DNAJC3: variants seen among roughly 807,000 people sequenced by gnomAD.
The protein encoded by DNAJC3 is dnaJ homolog subfamily C member 3.
DNAJC3 carries 38 observed loss-of-function variants against 68.6 expected under a neutral mutation model. That is an observed-to-expected ratio of 0.55 (90% CI 0.43 to 0.73). DNAJC3 has a LOEUF of 0.73. Ranked by LOEUF, DNAJC3 falls within the 30% of genes least tolerant of loss-of-function variation. DNAJC3 has a pLI of 0.00. For synonymous variants in DNAJC3, 203 were observed against 204.0 expected (o/e 1.00, Z 0.04); for missense variants, 526 against 591.9 (o/e 0.89, Z 1.16).
chr13:95,736,308 C>CT (rs1881916155), intron 4 of DNAJC3, among the ~76,000 whole-genome samples: 2 of 151,858 alleles, frequency 1.3e-5, no homozygotes, highest in South Asian at 4.2e-4. Context: ...GATGCGGGCT[C>CT]TTTTTTGGTT....
chr13:95,774,116 T>C (rs1883237510), intron 9 of DNAJC3, among the ~76,000 whole-genome samples: 1 of 152,230 alleles, frequency 6.6e-6, no homozygotes, highest in African/African-American at 2.4e-5. Flanking sequence ...TGATTTCTGC[T>C]CTTTAGTTCC....
At chr13:95,697,569 CAG>C (rs1490011109) in intron 1 of DNAJC3, among the ~76,000 whole-genome samples, 1 of 152,140 alleles carries the variant, frequency 6.6e-6, no homozygotes, top group Non-Finnish European at 1.5e-5. Flanking sequence ...CTAGCAAGAT[CAG>C]GGGATTTTTC....
intron 3 of DNAJC3, among the ~76,000 whole-genome samples, chr13:95,723,569 G>GT (rs201496445): frequency 0.016 from 2,372 of 151,246 alleles, 28 homozygotes; most frequent in Non-Finnish European, 0.025. Flanking sequence ...TACATTAGAT[G>GT]TTTTTTTTTC....
chr13:95,737,227 A>AT (rs1288977898), intron 4 of DNAJC3, among the ~76,000 whole-genome samples: 16 of 151,846 alleles, frequency 1.1e-4, no homozygotes, highest in Admixed American at 2.6e-4. Flanking sequence ...TTTTGCCAGT[A>AT]TTTTATTGAG....
At chr13:95,771,130 T>G (rs1323078660) in intron 9 of DNAJC3, among the ~76,000 whole-genome samples, 1 of 151,982 alleles carries the variant, frequency 6.6e-6, no homozygotes, top group Admixed American at 6.6e-5. Context: ...AAAAAGGTAT[T>G]TGGTTTACTT....
At chr13:95,771,677 ACT>A (rs1284379401) in intron 9 of DNAJC3, among the ~76,000 whole-genome samples, 1 of 152,020 alleles carries the variant, frequency 6.6e-6, no homozygotes, top group African/African-American at 2.4e-5. Context: ...CAGAAAGAAG[ACT>A]CAGAGGAGCT....
At chr13:95,720,338 AT>A (rs1403427006) in intron 2 of DNAJC3, among the ~76,000 whole-genome samples, 11 of 152,294 alleles carry the variant, frequency 7.2e-5, no homozygotes, top group African/African-American at 2.6e-4. Context: ...GATAACTTAA[AT>A]TTTTTAAAAA....
chr13:95,757,887 A>G (rs1882711731), intron 5 of DNAJC3, 91 bp downstream of exon 5: 1 of 1,333,740 alleles, frequency 7.5e-7, no homozygotes, highest in Non-Finnish European at 9.9e-7. Flanking sequence ...ACAAAGACCT[A>G]GACAGGAGAA....
chr13:95,714,250 A>G (rs1164445862), intron 2 of DNAJC3, among the ~76,000 whole-genome samples: 1 of 152,160 alleles, frequency 6.6e-6, no homozygotes, highest in Non-Finnish European at 1.5e-5. Context: ...GGTAATAATG[A>G]ATATAAATAT....
At chr13:95,753,089 C>T (rs1300084228) in intron 4 of DNAJC3, among the ~76,000 whole-genome samples, 1 of 152,184 alleles carries the variant, frequency 6.6e-6, no homozygotes, top group African/African-American at 2.4e-5. Context: ...CATCCTCCTT[C>T]TTCTTCCCTC....
intron 9 of DNAJC3, among the ~76,000 whole-genome samples, chr13:95,776,214 C>T (rs564223453): frequency 4.6e-5 from 7 of 152,098 alleles, no homozygotes; most frequent in Admixed American, 2.0e-4. Flanking sequence ...GATATGAATG[C>T]GTCTGATGCT....
chr13:95,788,511 A>G (rs1047256669), intron 11 of DNAJC3, among the ~76,000 whole-genome samples: 2 of 152,348 alleles, frequency 1.3e-5, no homozygotes, highest in Middle Eastern at 3.4e-3. Context: ...GTTTTTTACT[A>G]TGCATATATC....
At chr13:95,717,532 A>G (rs927581941) in intron 2 of DNAJC3, among the ~76,000 whole-genome samples, 39 of 152,176 alleles carry the variant, frequency 2.6e-4, no homozygotes, top group African/African-American at 8.9e-4. Context: ...AATGAGTAAA[A>G]CATTTTCCGT....
At chr13:95,726,977 A>G (rs950065859) in intron 4 of DNAJC3, among the ~76,000 whole-genome samples, 3 of 152,154 alleles carry the variant, frequency 2.0e-5, no homozygotes, top group African/African-American at 7.2e-5. Flanking sequence ...ATCGGCTGTC[A>G]TTTTCTTTTT....
chr13:95,770,277 A>G (rs2139683595), intron 9 of DNAJC3, among the ~76,000 whole-genome samples: 1 of 152,244 alleles, frequency 6.6e-6, no homozygotes, highest in Non-Finnish European at 1.5e-5. Flanking sequence ...AAAAAAAAAC[A>G]AGATTTTTCA....
At chr13:95,710,012 C>T (rs4773923) in intron 2 of DNAJC3, among the ~76,000 whole-genome samples, 147,928 of 152,300 alleles carry the variant, frequency 0.97, 71,892 homozygotes, top group East Asian at 1. Flanking sequence ...TCAATATGTT[C>T]ACTTGATATC....
chr13:95,691,924 G>C (rs1364912034), intron 1 of DNAJC3, among the ~76,000 whole-genome samples: 1 of 152,216 alleles, frequency 6.6e-6, no homozygotes, highest in African/African-American at 2.4e-5. Flanking sequence ...GCGTGGCGGC[G>C]CGCGCCTGCA....
At chr13:95,691,557 C>T (rs1317690772) in intron 1 of DNAJC3, among the ~76,000 whole-genome samples, 2 of 151,784 alleles carry the variant, frequency 1.3e-5, no homozygotes, top group South Asian at 4.1e-4. Flanking sequence ...CAGAGACGCT[C>T]CTCACTTTCC....
chr13:95,723,500 G>C, intron 3 of DNAJC3, 134 bp downstream of exon 3: 2 of 954,546 alleles, frequency 2.1e-6, no homozygotes, highest in African/African-American at 1.6e-5. Context: ...TGTGGACTGA[G>C]GAACAAGAGA....
Sources: gnomAD v4.1 joint callset for allele counts (sites outside exome capture counted in the v4.1 genomes callset) on GRCh38, gnomAD v4.1.1 for gene constraint, MANE v1.5 for transcripts, NCBI Gene and HGNC (gene_info 2026-07-23, HGNC 2026-07-21) for gene names.